NRG1: variants seen among roughly 807,000 people sequenced by gnomAD.
NRG1 encodes the protein pro-neuregulin-1, membrane-bound isoform.
Under a neutral mutation model 63.8 loss-of-function variants are expected in NRG1, and 18 were observed. The ratio of observed to expected loss-of-function variants is 0.28; its 90% CI spans 0.19 to 0.42. NRG1 has a LOEUF of 0.42. Among genes scored for constraint, NRG1 ranks in the 10% least tolerant of loss-of-function variants. The probability of loss-of-function intolerance (pLI) is 1.00; values close to 1 mark genes in which losing one functional copy is unlikely to be tolerated. For synonymous variants in NRG1, 302 were observed against 301.3 expected (o/e 1.00, Z -0.02); for missense variants, 762 against 814.7 (o/e 0.94, Z 0.79).
At chr8:31,851,919 C>T (rs1440115110) in intron 1 of NRG1, among the ~76,000 whole-genome samples, 2 of 151,232 alleles carry the variant, frequency 1.3e-5, no homozygotes, top group Admixed American at 6.6e-5. Context: ...TCATCCATGT[C>T]CCTACAAAGG....
chr8:31,856,715 T>C (rs897154710), intron 1 of NRG1, among the ~76,000 whole-genome samples: 5 of 152,214 alleles, frequency 3.3e-5, no homozygotes, highest in African/African-American at 1.2e-4. Flanking sequence ...CCAGTTTTTC[T>C]GCTCTGTTTT....
At chr8:32,160,292 G>A (rs960938650) in intron 1 of NRG1, among the ~76,000 whole-genome samples, 1 of 152,206 alleles carries the variant, frequency 6.6e-6, no homozygotes, top group Admixed American at 6.5e-5. Flanking sequence ...GAGAATATTT[G>A]ATATTTGATA....
intron 1 of NRG1, among the ~76,000 whole-genome samples, chr8:32,186,000 T>TTA (rs950686767): frequency 1.2e-4 from 19 of 152,216 alleles, no homozygotes; most frequent in African/African-American, 4.6e-4. Context: ...AGGTTAGATC[T>TTA]TATAGAAGTT....
chr8:32,189,834 A>C (rs1012463865), intron 1 of NRG1, among the ~76,000 whole-genome samples: 2 of 151,978 alleles, frequency 1.3e-5, no homozygotes, highest in African/African-American at 4.8e-5. Context: ...TCTACCAATC[A>C]CTGGAGTTTT....
intron 1 of NRG1, among the ~76,000 whole-genome samples, chr8:31,956,382 CT>C: frequency 6.6e-6 from 1 of 152,186 alleles, no homozygotes; most frequent in South Asian, 2.1e-4. Context: ...CTTTGGGAGG[CT>C]GAGGTGGGCA....
At chr8:31,929,419 T>G (rs1249083750) in intron 1 of NRG1, among the ~76,000 whole-genome samples, 1 of 152,000 alleles carries the variant, frequency 6.6e-6, no homozygotes, top group Non-Finnish European at 1.5e-5. Flanking sequence ...GCTTTAACAT[T>G]TTTTACTTAA....
At chr8:31,737,108 T>C (rs762996033) in intron 1 of NRG1, among the ~76,000 whole-genome samples, 10 of 152,140 alleles carry the variant, frequency 6.6e-5, no homozygotes, top group Admixed American at 1.3e-4. Context: ...TTATTAGAGT[T>C]GAAACTAGAG....
At chr8:32,660,869 A>C (rs879399846) in intron 5 of NRG1, among the ~76,000 whole-genome samples, 3 of 152,218 alleles carry the variant, frequency 2.0e-5, no homozygotes, top group African/African-American at 7.2e-5. Context: ...ATTAAAGTGC[A>C]TTTCCTTAGA....
At chr8:31,902,511 CTT>C (rs1832170063) in intron 1 of NRG1, among the ~76,000 whole-genome samples, 1 of 152,084 alleles carries the variant, frequency 6.6e-6, no homozygotes, top group Non-Finnish European at 1.5e-5. Context: ...TAGGTGAAAA[CTT>C]TGCTTGCCAA....
chr8:31,925,383 A>G (rs890207122), intron 1 of NRG1, among the ~76,000 whole-genome samples: 1 of 151,824 alleles, frequency 6.6e-6, no homozygotes, highest in Non-Finnish European at 1.5e-5. Context: ...TTTGTTATTA[A>G]TATATCAATA....
intron 1 of NRG1, among the ~76,000 whole-genome samples, chr8:32,411,797 C>G (rs1427635800): frequency 6.6e-6 from 1 of 152,138 alleles, no homozygotes; most frequent in Non-Finnish European, 1.5e-5. Flanking sequence ...CAGTTGCATC[C>G]GAAAAGCCTG....
chr8:32,112,856 C>A (rs535965584), intron 1 of NRG1, among the ~76,000 whole-genome samples: 49 of 152,238 alleles, frequency 3.2e-4, no homozygotes, highest in African/African-American at 1.1e-3. Flanking sequence ...TTCAAATTTT[C>A]CTTTTTTCTG....
intron 1 of NRG1, among the ~76,000 whole-genome samples, chr8:32,405,769 TTTGCTTAA>T (rs1461261036): frequency 6.6e-6 from 1 of 152,172 alleles, no homozygotes; most frequent in African/African-American, 2.4e-5. Context: ...CTTGAATATA[TTTGCTTAA>T]TATCATTTTG....
chr8:32,221,544 T>A (rs1464145288), intron 1 of NRG1, among the ~76,000 whole-genome samples: 2 of 152,246 alleles, frequency 1.3e-5, no homozygotes, highest in African/African-American at 4.8e-5. Context: ...TTATCCCTTA[T>A]TCAAGGACTG....
At chr8:32,421,859 A>C (rs952511141) in intron 1 of NRG1, among the ~76,000 whole-genome samples, 2 of 152,182 alleles carry the variant, frequency 1.3e-5, no homozygotes, top group African/African-American at 4.8e-5. Flanking sequence ...CAGATACATG[A>C]AAAAAACAAA....
chr8:32,010,664 T>A (rs925819290), intron 1 of NRG1, among the ~76,000 whole-genome samples: 2 of 152,110 alleles, frequency 1.3e-5, no homozygotes, highest in African/African-American at 4.8e-5. Flanking sequence ...ATCTTCTTCA[T>A]TTTAATTATT....
intron 1 of NRG1, among the ~76,000 whole-genome samples, chr8:32,426,308 G>A (rs1166797660): frequency 6.6e-6 from 1 of 152,118 alleles, no homozygotes; most frequent in African/African-American, 2.4e-5. Context: ...TATGAATAAA[G>A]TGCTGTATTG....
intron 1 of NRG1, among the ~76,000 whole-genome samples, chr8:31,831,269 T>A (rs1825133349): frequency 1.3e-5 from 2 of 151,614 alleles, no homozygotes; most frequent in Non-Finnish European, 2.9e-5. Context: ...GCCCGGCTAA[T>A]TTTTTTTGTT....
chr8:32,606,994 T>C (rs1296707234), intron 3 of NRG1, among the ~76,000 whole-genome samples: 1 of 152,150 alleles, frequency 6.6e-6, no homozygotes, highest in Non-Finnish European at 1.5e-5. Flanking sequence ...TTCTCAAGGA[T>C]CTGCTCCATC....
Sources: gnomAD v4.1 joint callset for allele counts (sites outside exome capture counted in the v4.1 genomes callset) on GRCh38, gnomAD v4.1.1 for gene constraint, MANE v1.5 for transcripts, NCBI Gene and HGNC (gene_info 2026-07-23, HGNC 2026-07-21) for gene names.